The following LAMB4 variants were observed in gnomAD, a reference collection of about 807,000 sequenced individuals.
LAMB4 encodes the protein laminin subunit beta-4.
A neutral mutation model predicts 199.2 loss-of-function variants in LAMB4; 196 were observed. That is an observed-to-expected ratio of 0.98 (90% CI 0.88 to 1.11). The LOEUF (loss-of-function observed/expected upper bound fraction) is 1.11, where lower values mean the gene tolerates loss of function less well. Among genes scored for constraint, LAMB4 ranks in the 50% least tolerant of loss-of-function variants. The pLI, the probability that LAMB4 is intolerant of heterozygous loss-of-function variation, is 0.00. For missense variants in LAMB4, 2,080 were observed against 2,171.2 expected (o/e 0.96, Z 0.83); for synonymous variants, 744 against 770.6 (o/e 0.97, Z 0.57).
At chr7:108,054,168 C>T (rs896277816) in intron 25 of LAMB4, among the ~76,000 whole-genome samples, 1 of 152,142 alleles carries the variant, frequency 6.6e-6, no homozygotes, top group South Asian at 2.1e-4. Flanking sequence ...GAACTCCTGG[C>T]CTCAAGTGAT....
chr7:108,116,533 G>A (rs962342742), intron 2 of LAMB4, among the ~76,000 whole-genome samples: 2 of 152,012 alleles, frequency 1.3e-5, no homozygotes, highest in African/African-American at 4.8e-5. Flanking sequence ...ATGGACACCC[G>A]CATATGAAAG....
chr7:108,025,053 T>C (rs1340529127), intron 33 of LAMB4, among the ~76,000 whole-genome samples: 1 of 152,224 alleles, frequency 6.6e-6, no homozygotes, highest in Non-Finnish European at 1.5e-5. Flanking sequence ...AACATGTGTT[T>C]AGAAAAAAGA....
At chr7:108,071,488 T>A (rs895517752) in intron 17 of LAMB4, among the ~76,000 whole-genome samples, 14 of 152,194 alleles carry the variant, frequency 9.2e-5, no homozygotes, top group African/African-American at 2.4e-4. Flanking sequence ...CTAACGCCTA[T>A]TAGTTGCCCC....
chr7:108,063,671 C>T, intron 22 of LAMB4, 90 bp downstream of exon 22: 2 of 1,174,140 alleles, frequency 1.7e-6, no homozygotes. Context: ...TGGGACTGGC[C>T]TAACTGAAAT....
rs147484178 is a variant in LAMB4 at position 108,107,679 on chromosome 7, A to T, written c.543T>A (p.Ile181=). 1.3e-4 allele frequency: 208 copies of T among 1,612,370 alleles called. No homozygotes were observed. The African/African-American group carries it at 2.3e-3, about 18-fold the overall frequency. Reference sequence around the variant, plus strand: ...TATCCGAGTATTTGGAGTCACAAACAATGTCTCCCACTCCCTGGGCCTGGC... The same window carrying T: ...TATCCGAGTATTTGGAGTCACAAACTATGTCTCCCACTCCCTGGGCCTGGC... ...TSGQAQGVGD[I]VCDSKYSDIE... Residue 181 remains isoleucine, a synonymous_variant, in exon 6 of 34, where the codon ATT becomes ATA. Transcript: ENST00000388781.
At chr7:108,059,947 A>C (rs79555763) in intron 23 of LAMB4, among the ~76,000 whole-genome samples, 7,147 of 152,280 alleles carry the variant, frequency 0.047, 234 homozygotes, top group Non-Finnish European at 0.066. Flanking sequence ...AAATTTGGGA[A>C]GCATGTTTCT....
chr7:108,089,201 G>A (rs889544220), intron 14 of LAMB4, among the ~76,000 whole-genome samples: 1 of 152,126 alleles, frequency 6.6e-6, no homozygotes, highest in African/African-American at 2.4e-5. Flanking sequence ...CTGGCTCTGG[G>A]TGTCTTCTTC....
At chr7:108,013,427 C>T in the LAMB4 span, among the ~76,000 whole-genome samples, 6 of 152,140 alleles carry the variant, frequency 3.9e-5, no homozygotes, top group Admixed American at 1.3e-4. Context: ...GAAAAGTGGG[C>T]GGTTTGCTAT....
At chr7:108,095,197 T>C (rs372944810) in intron 12 of LAMB4, 31 bp downstream of exon 12, 14 of 1,506,280 alleles carry the variant, frequency 9.3e-6, no homozygotes, top group African/African-American at 8.3e-5. Context: ...TGTATCACTA[T>C]AGAAAAGGGA....
downstream of LAMB4, among the ~76,000 whole-genome samples, chr7:108,022,480 G>A (rs909790948): frequency 3.3e-5 from 5 of 152,130 alleles, no homozygotes; most frequent in African/African-American, 1.2e-4. Context: ...CTGTTTCACT[G>A]AATCTTGCAT....
rs772649311 is a variant in LAMB4 at position 108,123,110 on chromosome 7, AT to A, written c.34+20del. On this transcript the variant is annotated intron_variant, in intron 2 of 33. Coordinates refer to ENST00000388781, the MANE Select transcript of LAMB4 (RefSeq NM_007356.3). The stretch of plus-strand genomic sequence containing the variant: ...TTAGGACAGCGCAAGCAGTAAATAG[AT>A]TTTGACAACAAATACTCACCAAGGT... 1.3e-6 allele frequency: 2 copies of A among 1,599,668 alleles called. No homozygotes were observed. The highest frequency in any genetic ancestry group is 1.7e-6 in the Non-Finnish European group (2 of 1,174,024).
At chr7:108,111,607 T>A (rs569639526) in intron 4 of LAMB4, among the ~76,000 whole-genome samples, 1 of 152,262 alleles carries the variant, frequency 6.6e-6, no homozygotes, top group African/African-American at 2.4e-5. Flanking sequence ...GTGCTTAAAA[T>A]ACATTTTGAT....
At chr7:108,088,028 T>A (rs1030190979) in intron 14 of LAMB4, among the ~76,000 whole-genome samples, 9 of 152,308 alleles carry the variant, frequency 5.9e-5, no homozygotes, top group African/African-American at 2.2e-4. Flanking sequence ...TCATGAATGG[T>A]TTACCTCACT....
downstream of LAMB4, among the ~76,000 whole-genome samples, chr7:108,019,549 A>C (rs1214324983): frequency 6.6e-6 from 1 of 152,072 alleles, no homozygotes; most frequent in African/African-American, 2.4e-5. Flanking sequence ...CCTCTCCCAC[A>C]AACGACAAAC....
intron 28 of LAMB4, among the ~76,000 whole-genome samples, chr7:108,046,549 C>T (rs865847322): frequency 4.6e-5 from 7 of 152,060 alleles, no homozygotes; most frequent in Middle Eastern, 3.4e-3. Context: ...CACCACTATC[C>T]TGTTTTCAAA....
chr7:108,034,153 G>C, intron 31 of LAMB4, 55 bp downstream of exon 31: 2 of 1,538,416 alleles, frequency 1.3e-6, no homozygotes, highest in Non-Finnish European at 1.8e-6. Flanking sequence ...AAAAAGCACT[G>C]TGTTGTTTTT....
In LAMB4 at chr7:108,048,006, C is replaced by G; in HGVS notation, c.4228G>C (p.Gly1410Arg). 1 of 1,614,162 alleles carries G rather than the reference C, an allele frequency of 6.2e-7. No individual in the cohort carries two copies. Among genetic ancestry groups the G allele is most frequent in the Non-Finnish European group, 8.5e-7 (1 of 1,180,014 alleles). ...GCATTCGTTGAGAGGGTCAGGGAGC[C>G]GTGACAGCCGGGACCCCTACACTTC... ...HRKCRGPGCH[G>R]SLTLSTNALQ... The change falls in exon 28 of 34, where the codon GGC becomes CGC. Residue 1410 changes from glycine to arginine, a missense_variant. Transcript: ENST00000388781.
chr7:108,105,684 A>G, intron 8 of LAMB4, 133 bp downstream of exon 8: 1 of 747,814 alleles, frequency 1.3e-6, no homozygotes, highest in Non-Finnish European at 2.2e-6. Context: ...GATAGGTTGA[A>G]TGGTACCCAT....
chr7:108,065,783 T>C lies in LAMB4; in HGVS notation c.2815A>G (p.Asn939Asp), dbSNP rs761583624. 1 of 1,614,092 alleles carries C rather than the reference T, an allele frequency of 6.2e-7. No individual in the cohort carries two copies. The highest frequency in any genetic ancestry group is 8.5e-7 in the Non-Finnish European group (1 of 1,179,978). The change falls in exon 21 of 34, where the codon AAT becomes GAT. Residue 939 changes from asparagine (N) to aspartate (D), a missense_variant. Physicochemically the swap from Asn to Asp is conservative, Grantham distance 23. Coordinates refer to ENST00000388781, the MANE Select transcript of LAMB4 (RefSeq NM_007356.3). ...QNLWSSDVIC[N>D]CLQGYTGTQC... ...ATACCCGTATAACCTTGAAGACAAT[T>C]GCAGATTACATCTGAGCTCCACAGA...
Sources: allele counts gnomAD v4.1 joint callset (sites outside exome capture counted in the v4.1 genomes callset), GRCh38; gene constraint gnomAD v4.1.1; transcripts MANE v1.5; gene names NCBI Gene and HGNC (gene_info 2026-07-23, HGNC 2026-07-21).